UPP2: variants seen among roughly 807,000 people sequenced by gnomAD.
UPP2 encodes UPase 2.
In UPP2, 23 loss-of-function variants were observed where a neutral mutation model predicts 26.7. The observed-to-expected ratio is 0.86, with a 90% CI of 0.62 to 1.22. The LOEUF is 1.22. Ranked by LOEUF, UPP2 falls within the 50% of genes most tolerant of loss-of-function variation. UPP2 has a pLI of 0.00. For synonymous variants in UPP2, 127 were observed against 141.3 expected (o/e 0.90, Z 0.72); for missense variants, 387 against 396.7 (o/e 0.98, Z 0.21).
rs142105835 is a variant in UPP2, at chr2:158,081,471, T to C, written c.148-20569T>C. ...TGCAGCAATCTCACTGTGAAGTATA[T>C]ATCCAAAAGAAAGAAAATCAGTCTA... On this transcript the variant is annotated intron_variant, in intron 3 of 9. Coordinates refer to the UPP2 transcript ENST00000605860. Among the ~76,000 whole-genome samples the C allele has an allele frequency of 5.7e-3, 869 of 152,280 alleles. 8 individuals are homozygous for C. The highest frequency in any genetic ancestry group is 0.02 in the African/African-American group (831 of 41,554).
At chr2:158,055,304 CA>C (rs1274739900) in intron 3 of UPP2, among the ~76,000 whole-genome samples, 3 of 152,062 alleles carry the variant, frequency 2.0e-5, no homozygotes, top group African/African-American at 2.4e-5. Context: ...CACATTAATC[CA>C]TTAGTCCATG....
chr2:158,062,347 T>C (rs796356827), intron 3 of UPP2, among the ~76,000 whole-genome samples: 60 of 152,312 alleles, frequency 3.9e-4, no homozygotes, highest in African/African-American at 1.4e-3. Context: ...GGCTACCATA[T>C]TGGACAGTGT....
intron 3 of UPP2, among the ~76,000 whole-genome samples, chr2:158,023,701 C>T (rs1429826521): frequency 6.6e-6 from 1 of 152,102 alleles, no homozygotes; most frequent in Admixed American, 6.5e-5. Flanking sequence ...AGGTGCCTCT[C>T]CTTCTAACTG....
At chr2:158,019,156 A>C (rs1558905221) in intron 3 of UPP2, among the ~76,000 whole-genome samples, 1 of 152,216 alleles carries the variant, frequency 6.6e-6, no homozygotes, top group Non-Finnish European at 1.5e-5. Flanking sequence ...TCAGGAGCAC[A>C]TGTTCTTGCA....
intron 3 of UPP2, among the ~76,000 whole-genome samples, chr2:158,083,833 CAT>C (rs1437321659): frequency 6.9e-6 from 1 of 144,778 alleles, no homozygotes; most frequent in Non-Finnish European, 1.5e-5. Flanking sequence ...TATATATAGA[CAT>C]ATGTTTATGT....
intron 2 of UPP2, among the ~76,000 whole-genome samples, chr2:158,008,451 T>C (rs191422620): frequency 7.4e-4 from 112 of 152,106 alleles, no homozygotes; most frequent in African/African-American, 2.6e-3. Context: ...CAGAGCAGAG[T>C]GGAGAGGAAT....
intron 2 of UPP2, among the ~76,000 whole-genome samples, chr2:158,009,517 T>C (rs1683543928): frequency 6.6e-6 from 1 of 152,220 alleles, no homozygotes; most frequent in Non-Finnish European, 1.5e-5. Flanking sequence ...GGAGTCTGTG[T>C]GCAGATGAAA....
intron 3 of UPP2, among the ~76,000 whole-genome samples, chr2:158,090,850 C>T (rs565779760): frequency 7.9e-5 from 12 of 152,274 alleles, no homozygotes; most frequent in South Asian, 2.1e-4. Context: ...AATAGGCCCC[C>T]GTGCCAAGGT....
intron 3 of UPP2, among the ~76,000 whole-genome samples, chr2:158,116,019 T>G (rs1683423982): frequency 6.6e-6 from 1 of 152,164 alleles, no homozygotes; most frequent in Non-Finnish European, 1.5e-5. Context: ...GGGTGGCAAT[T>G]CTAAGGAACT....
intron 3 of UPP2, among the ~76,000 whole-genome samples, chr2:158,093,271 T>TACACACACACAC (rs57028617): frequency 0.012 from 1,706 of 137,450 alleles, 40 homozygotes; most frequent in African/African-American, 0.039. Context: ...AAAAGAAACA[T>TACACACACACAC]ACACACACAC....
intron 3 of UPP2, among the ~76,000 whole-genome samples, chr2:158,051,470 T>C (rs1196577791): frequency 1.3e-5 from 2 of 152,078 alleles, no homozygotes; most frequent in Non-Finnish European, 1.5e-5. Flanking sequence ...GAACAAATAT[T>C]ACTTGGAGTG....
chr2:158,069,535 G>A lies in UPP2; in HGVS notation c.148-32505G>A, dbSNP rs1682504130. On this transcript the variant is annotated intron_variant, in intron 3 of 9. Coordinates refer to the UPP2 transcript ENST00000605860. ...GCATCTAGTTCTTGCAGTAAATACA[G>A]CTTATTTAGTGCCTGGCTTCTACAG... 2.6e-5 allele frequency among the ~76,000 whole-genome samples: 4 copies of A among 152,172 alleles called. No homozygotes were observed. The South Asian group carries it at 8.3e-4, about 32-fold the overall frequency.
At chr2:158,003,169 G>T (rs962779866) in intron 2 of UPP2, among the ~76,000 whole-genome samples, 1 of 152,098 alleles carries the variant, frequency 6.6e-6, no homozygotes, top group Non-Finnish European at 1.5e-5. Context: ...GCTCAGGGAG[G>T]TCCTGACACA....
At chr2:158,089,806 G>T (rs1487359967) in intron 3 of UPP2, among the ~76,000 whole-genome samples, 1 of 152,130 alleles carries the variant, frequency 6.6e-6, no homozygotes, top group Non-Finnish European at 1.5e-5. Context: ...TATATGTTTG[G>T]GGGCAGAATA....
At chr2:158,013,765 G>A (rs868212331) in intron 2 of UPP2, among the ~76,000 whole-genome samples, 1 of 152,218 alleles carries the variant, frequency 6.6e-6, no homozygotes, top group African/African-American at 2.4e-5. Flanking sequence ...TTAAGCAGCA[G>A]TAAAACCTAA....
In UPP2 at chr2:158,083,863, T is replaced by A. The variant is rs1001476165; in HGVS notation, c.148-18177T>A. Among the ~76,000 whole-genome samples, 68 of 130,920 alleles carry A rather than the reference T, an allele frequency of 5.2e-4. 1 individual carries two copies. The highest frequency in any genetic ancestry group is 2.0e-3 in the African/African-American group (61 of 30,464). The allele number at this position is 130,920 out of a possible 152,430, so 85.9% of individuals were successfully genotyped here. On this transcript the variant is annotated intron_variant, in intron 3 of 9. Transcript: ENST00000605860. Reference sequence around the variant, plus strand: ...GTTTATGTCTGTTTATATATATATGTTTTTTATATATATATATATATCTCA... The same window carrying A: ...GTTTATGTCTGTTTATATATATATGATTTTTATATATATATATATATCTCA...
chr2:158,120,400 A>C (rs1683539000), intron 4 of UPP2, among the ~76,000 whole-genome samples: 1 of 152,062 alleles, frequency 6.6e-6, no homozygotes, highest in African/African-American at 2.4e-5. Context: ...TTGCGGAGCT[A>C]TAATCTATGG....
At chr2:158,127,165 T>G (rs1683711270) in intron 6 of UPP2, among the ~76,000 whole-genome samples, 1 of 152,212 alleles carries the variant, frequency 6.6e-6, no homozygotes, top group Admixed American at 6.5e-5. Context: ...CATCTCACCC[T>G]AAATCTCACC....
At chr2:158,109,237 C>A (rs1156578270) in intron 2 of UPP2, among the ~76,000 whole-genome samples, 2 of 152,058 alleles carry the variant, frequency 1.3e-5, no homozygotes, top group Non-Finnish European at 2.9e-5. Flanking sequence ...CCATTATCTT[C>A]CAAGAAAGGA....
Sources: allele counts gnomAD v4.1 joint callset (sites outside exome capture counted in the v4.1 genomes callset), GRCh38; gene constraint gnomAD v4.1.1; transcripts MANE v1.5; gene names NCBI Gene and HGNC (gene_info 2026-07-23, HGNC 2026-07-21).